The following THSD7B variants were observed in gnomAD, a reference collection of about 807,000 sequenced individuals.
The protein encoded by THSD7B is thrombospondin type 1 domain containing 7B.
A neutral mutation model predicts 213.6 loss-of-function variants in THSD7B; 138 were observed. The ratio of observed to expected loss-of-function variants is 0.65; its 90% confidence interval spans 0.56 to 0.74. The LOEUF (loss-of-function observed/expected upper bound fraction) is 0.74. Among genes scored for constraint, THSD7B ranks in the 30% least tolerant of loss-of-function variants. The pLI, the probability that THSD7B is intolerant of heterozygous loss-of-function variation, is 0.00. For missense variants in THSD7B, 1,931 were observed against 1,991.5 expected, an observed-to-expected ratio of 0.97 and a Z score of 0.58; for synonymous variants, 742 against 687.0, an observed-to-expected ratio of 1.08 and a Z score of -1.25.
intron 15 of THSD7B, among the ~76,000 whole-genome samples, chr2:137,510,900 T>C (rs1397958993): frequency 6.6e-6 from 1 of 152,170 alleles, no homozygotes; most frequent in Non-Finnish European, 1.5e-5. Flanking sequence ...CATTAGTTAA[T>C]ATTTTTCATG....
intron 14 of THSD7B, among the ~76,000 whole-genome samples, chr2:137,433,022 C>T (rs898782603): frequency 2.0e-5 from 3 of 152,186 alleles, no homozygotes; most frequent in Non-Finnish European, 4.4e-5. Context: ...GCCAAAACCT[C>T]TGCTATACCT....
chr2:137,075,029 C>G (rs1055630061), intron 3 of THSD7B, among the ~76,000 whole-genome samples: 4 of 152,284 alleles, frequency 2.6e-5, no homozygotes, highest in Admixed American at 2.6e-4. Context: ...TTTTTTCCTT[C>G]ATTTCAACTT....
intron 2 of THSD7B, among the ~76,000 whole-genome samples, chr2:136,988,357 G>A (rs1220265708): frequency 6.6e-6 from 1 of 152,126 alleles, no homozygotes; most frequent in African/African-American, 2.4e-5. Context: ...TACCTATTGT[G>A]GAAAAGAATG....
At chr2:137,589,210 G>T (rs988482929) in intron 17 of THSD7B, among the ~76,000 whole-genome samples, 2 of 151,604 alleles carry the variant, frequency 1.3e-5, no homozygotes, top group East Asian at 3.9e-4. Flanking sequence ...ATTGAACTTT[G>T]ACATTTTTGT....
At chr2:137,654,645 C>T (rs1465386224) in intron 21 of THSD7B, among the ~76,000 whole-genome samples, 1 of 152,128 alleles carries the variant, frequency 6.6e-6, no homozygotes, top group African/African-American at 2.4e-5. Flanking sequence ...TCCCTTACCA[C>T]TTACTGAGTT....
intron 16 of THSD7B, among the ~76,000 whole-genome samples, chr2:137,564,452 T>G (rs1308096856): frequency 6.6e-6 from 1 of 152,210 alleles, no homozygotes; most frequent in Non-Finnish European, 1.5e-5. Flanking sequence ...TTCTTCCCTT[T>G]GTACATTGCC....
intron 7 of THSD7B, among the ~76,000 whole-genome samples, chr2:137,182,102 CT>C (rs1460190327): frequency 1.3e-5 from 2 of 152,070 alleles, no homozygotes; most frequent in Middle Eastern, 3.2e-3. Flanking sequence ...AATAGGGTTT[CT>C]TTGTTTGTAA....
intron 12 of THSD7B, among the ~76,000 whole-genome samples, chr2:137,283,227 G>T (rs1300105322): frequency 5.9e-5 from 9 of 152,158 alleles, no homozygotes; most frequent in Non-Finnish European, 1.3e-4. Context: ...TGGTGTATAA[G>T]AATGCTTGTG....
In THSD7B at chr2:137,677,297, A is replaced by ATGTT. The variant is rs375221248; in HGVS notation, c.*693_*696dup. The ATGTT allele has an allele frequency of 1.0e-3, 153 of 152,752 alleles. No individual in the cohort carries two copies. Among genetic ancestry groups the ATGTT allele is most frequent in the African/African-American group, 3.6e-3 (149 of 41,590 alleles). 9.5% of individuals were successfully genotyped at this position (152,752 alleles called of 1,614,324 possible). A position where few individuals can be genotyped will look rare whatever the true frequency, so the allele number is the denominator to read the frequency against. ...CATTTCTGAAGGGAATGTGTACTGAATGTTAGAGTGTACAAATGAAATATG... is the reference window on the plus strand; with the variant it reads ...CATTTCTGAAGGGAATGTGTACTGAATGTTTGTTAGAGTGTACAAATGAAATATG... On this transcript the variant is annotated 3_prime_UTR_variant, in exon 28 of 28. Coordinates refer to ENST00000409968, the MANE Select transcript of THSD7B (RefSeq NM_001316349.2).
chr2:137,128,682 G>A (rs1688670775), intron 5 of THSD7B, among the ~76,000 whole-genome samples: 1 of 152,158 alleles, frequency 6.6e-6, no homozygotes, highest in South Asian at 2.1e-4. Flanking sequence ...TAAACTTCTA[G>A]CACTTTAGCC....
intron 2 of THSD7B, among the ~76,000 whole-genome samples, chr2:137,001,194 C>A (rs187237893): frequency 1.3e-5 from 2 of 152,170 alleles, no homozygotes; most frequent in Admixed American, 1.3e-4. Flanking sequence ...ATACTTCTAT[C>A]TGTACTTCCC....
chr2:137,658,077 A>G (rs1683273392), intron 24 of THSD7B, among the ~76,000 whole-genome samples: 1 of 152,208 alleles, frequency 6.6e-6, no homozygotes, highest in African/African-American at 2.4e-5. Flanking sequence ...ACTTAGTACT[A>G]TCGTTTACAG....
At chr2:137,306,377 T>C (rs534984702) in intron 12 of THSD7B, among the ~76,000 whole-genome samples, 1 of 152,230 alleles carries the variant, frequency 6.6e-6, no homozygotes, top group East Asian at 1.9e-4. Flanking sequence ...GGTTGACACA[T>C]TATAAAACCA....
intron 5 of THSD7B, among the ~76,000 whole-genome samples, chr2:137,158,161 C>T (rs543581817): frequency 2.0e-4 from 30 of 152,308 alleles, no homozygotes; most frequent in Admixed American, 1.9e-3. Context: ...GAAACGAATG[C>T]ATGATTTACT....
At chr2:137,170,640 T>C in intron 6 of THSD7B, 101 bp from the exon 7 acceptor site, 1 of 1,093,976 alleles carries the variant, frequency 9.1e-7, no homozygotes, top group Non-Finnish European at 1.3e-6. Flanking sequence ...CTTAGAGCGA[T>C]GAGTACTTGA....
intron 12 of THSD7B, among the ~76,000 whole-genome samples, chr2:137,337,903 G>A (rs951027105): frequency 6.6e-6 from 1 of 151,970 alleles, no homozygotes; most frequent in Non-Finnish European, 1.5e-5. Context: ...GTTTCTTCAG[G>A]ATGGCTCCCA....
At chr2:137,448,369 A>G (rs1687581680) in intron 14 of THSD7B, among the ~76,000 whole-genome samples, 1 of 152,224 alleles carries the variant, frequency 6.6e-6, no homozygotes, top group African/African-American at 2.4e-5. Flanking sequence ...GCTGGTTAGG[A>G]AAATAACTCA....
intron 12 of THSD7B, among the ~76,000 whole-genome samples, chr2:137,290,044 C>A (rs2104831344): frequency 6.6e-6 from 1 of 151,946 alleles, no homozygotes; most frequent in African/African-American, 2.4e-5. Flanking sequence ...AAACCTCTCT[C>A]CCGGTAGTTA....
chr2:137,375,488 G>T lies in THSD7B; in HGVS notation c.2501-30125G>T, dbSNP rs192041901. Among the ~76,000 whole-genome samples, 5 of 152,178 alleles carry T rather than the reference G, an allele frequency of 3.3e-5. No homozygotes were observed. The East Asian group carries it at 9.7e-4, about 29-fold the overall frequency. On this transcript the variant is annotated intron_variant, in intron 12 of 27. Coordinates refer to ENST00000409968, the MANE Select transcript of THSD7B (RefSeq NM_001316349.2). ...TAAATTCATTTCCTTCATGTTTCTC[G>T]CATGCAACTTTTCAGGAATCCATCT...
Sources: allele counts gnomAD v4.1 joint callset (sites outside exome capture counted in the v4.1 genomes callset), GRCh38; gene constraint gnomAD v4.1.1; transcripts MANE v1.5; gene names NCBI Gene and HGNC (gene_info 2026-07-23, HGNC 2026-07-21).